Variants in CDKL5 observed in about 807,000 individuals in gnomAD.
The protein encoded by CDKL5 is cyclin dependent kinase like 5.
In CDKL5, 8 loss-of-function variants were observed where a neutral mutation model predicts 61.7. That is an observed-to-expected ratio of 0.13 (90% CI 0.08 to 0.23). The LOEUF is 0.23. CDKL5 is among the 10% of genes least tolerant of loss of function. CDKL5 has a pLI of 1.00. For missense variants in CDKL5, 440 were observed against 734.5 expected, an observed-to-expected ratio of 0.60 and a Z score of 4.63; for synonymous variants, 275 against 272.3, an observed-to-expected ratio of 1.01 and a Z score of -0.10.
At position 18,532,930 on chromosome X, in the gene CDKL5, G is replaced by A. The variant is rs189521560; in HGVS notation, c.99+22076G>A. ...AGCCATTAAACCAAGAAACAAATTA[G>A]CAGTATATTTAAAGATCGCTTATTA... On this transcript the variant is annotated intron_variant, in intron 3 of 17. Transcript: ENST00000623535. Among the ~76,000 whole-genome samples, 15 of 111,560 alleles carry A rather than the reference G, an allele frequency of 1.3e-4. No individual in the cohort carries two copies. In the East Asian group the frequency reaches 4.2e-3, roughly 31 times the overall value.
downstream of CDKL5, among the ~76,000 whole-genome samples, chrX:18,643,829 A>AATATATATATATATATAT (rs755520723): frequency 1.9e-5 from 2 of 105,883 alleles, no homozygotes; most frequent in Non-Finnish European, 1.9e-5. Context: ...ATTCATAGCA[A>AATATATATATATATATAT]ATATATATAT....
At chrX:18,612,028 C>A (rs1926569080) in intron 14 of CDKL5, among the ~76,000 whole-genome samples, 1 of 111,835 alleles carries the variant, frequency 8.9e-6, no homozygotes, top group South Asian at 3.7e-4. Flanking sequence ...TTTATTATAA[C>A]CATTCTTAGA....
intron 3 of CDKL5, among the ~76,000 whole-genome samples, chrX:18,544,415 CAT>C (rs1354851879): frequency 8.9e-6 from 1 of 112,068 alleles, no homozygotes; most frequent in African/African-American, 3.2e-5. Context: ...TTTTTTAACT[CAT>C]GTGTGTTCTA....
At chrX:18,619,157 CT>C (rs773761463) in intron 15 of CDKL5, among the ~76,000 whole-genome samples, 401 of 80,773 alleles carry the variant, frequency 5.0e-3, no homozygotes, top group Middle Eastern at 0.019. Flanking sequence ...CCCGTGAAAG[CT>C]TTTTTTTTTT....
At chrX:18,574,577 T>C (rs768055422) in intron 4 of CDKL5, among the ~76,000 whole-genome samples, 1 of 112,165 alleles carries the variant, frequency 8.9e-6, no homozygotes, top group African/African-American at 3.2e-5. Flanking sequence ...ATATGACTTC[T>C]GTCCTTCCTC....
chrX:18,498,165 A>C (rs1307973206), intron 1 of CDKL5, among the ~76,000 whole-genome samples: 1 of 110,694 alleles, frequency 9.0e-6, no homozygotes, highest in Non-Finnish European at 1.9e-5. Flanking sequence ...CTTAGAGGTA[A>C]TTAATATCCT....
chrX:18,529,915 C>T (rs1343531584), intron 3 of CDKL5, among the ~76,000 whole-genome samples: 3 of 110,692 alleles, frequency 2.7e-5, no homozygotes, highest in Admixed American at 9.7e-5. Flanking sequence ...AGATTCTTTG[C>T]CATTATTCTT....
At chrX:18,549,672 G>C (rs1306128185) in intron 3 of CDKL5, among the ~76,000 whole-genome samples, 1 of 111,501 alleles carries the variant, frequency 9.0e-6, no homozygotes, top group Non-Finnish European at 1.9e-5. Context: ...TCAAAGGAAT[G>C]TGGGAAGAAC....
At chrX:18,544,425 C>G (rs897634050) in intron 3 of CDKL5, among the ~76,000 whole-genome samples, 4 of 112,229 alleles carry the variant, frequency 3.6e-5, no homozygotes, top group African/African-American at 1.3e-4. Context: ...CATGTGTGTT[C>G]TAAGCATTTT....
chrX:18,428,581 C>T (rs1054928160), intron 1 of CDKL5, among the ~76,000 whole-genome samples: 2 of 111,695 alleles, frequency 1.8e-5, no homozygotes, highest in Non-Finnish European at 3.8e-5. Flanking sequence ...ATAATTAATT[C>T]ACATGCATAG....
At chrX:18,613,745 A>T (rs1569222073) in intron 15 of CDKL5, among the ~76,000 whole-genome samples, 1 of 111,282 alleles carries the variant, frequency 9.0e-6, no homozygotes, top group Non-Finnish European at 1.9e-5. Flanking sequence ...TTCAAACTTA[A>T]ATGGGCTCCG....
chrX:18,485,546 T>G (rs1432508377), intron 1 of CDKL5, among the ~76,000 whole-genome samples: 1 of 111,993 alleles, frequency 8.9e-6, no homozygotes, highest in Non-Finnish European at 1.9e-5. Context: ...GAGATCTGAT[T>G]GGGTTTTATT....
At chrX:18,476,831 A>G (rs1921332620) in intron 1 of CDKL5, among the ~76,000 whole-genome samples, 1 of 110,012 alleles carries the variant, frequency 9.1e-6, no homozygotes, top group Non-Finnish European at 1.9e-5. Flanking sequence ...CAGTGGTACA[A>G]TCTCAGCTCA....
At chrX:18,569,906 A>G (rs1315866072) in intron 4 of CDKL5, among the ~76,000 whole-genome samples, 1 of 111,386 alleles carries the variant, frequency 9.0e-6, no homozygotes, top group African/African-American at 3.3e-5. Flanking sequence ...CTCTGCTTTT[A>G]TATAAAATAA....
chrX:18,487,702 G>A (rs996812010), intron 1 of CDKL5, among the ~76,000 whole-genome samples: 1 of 112,761 alleles, frequency 8.9e-6, no homozygotes, highest in African/African-American at 3.2e-5. Context: ...GATCACTTGA[G>A]GTCAGGAGTT....
At position 18,647,324 on chromosome X, in the gene CDKL5, A is replaced by G. The variant is rs2147194217; in HGVS notation, c.2797+1234A>G. 2 of 1,210,577 alleles carry G rather than the reference A, an allele frequency of 1.7e-6. No individual in the cohort carries two copies. Among genetic ancestry groups the G allele is most frequent in the East Asian group, 3.0e-5 (1 of 33,827 alleles). ...GACTCGAAACCCAGAGGCTTGTGAT[A>G]TGGGCATTCTGGGAAAGGAAAAAGA... On this transcript the variant is annotated intron_variant, in intron 20 of 21. Transcript: ENST00000379989.
chrX:18,601,381 T>TATCC (rs930180496), intron 11 of CDKL5, among the ~76,000 whole-genome samples: 6 of 112,604 alleles, frequency 5.3e-5, no homozygotes, highest in African/African-American at 1.6e-4. Flanking sequence ...AATCGTTATC[T>TATCC]ATCCATCCAT....
intron 4 of CDKL5, among the ~76,000 whole-genome samples, chrX:18,571,991 C>T (rs1194254559): frequency 9.0e-6 from 1 of 111,687 alleles, no homozygotes; most frequent in Non-Finnish European, 1.9e-5. Context: ...TCTTCTCTAA[C>T]CATTGTTAAG....
chrX:18,592,569 T>C (rs1485808600), intron 9 of CDKL5, among the ~76,000 whole-genome samples: 1 of 112,617 alleles, frequency 8.9e-6, no homozygotes, highest in Non-Finnish European at 1.9e-5. Flanking sequence ...CTTACAAACA[T>C]CCTTCAGGGA....
Sources: gnomAD v4.1 joint callset for allele counts (sites outside exome capture counted in the v4.1 genomes callset) on GRCh38, gnomAD v4.1.1 for gene constraint, MANE v1.5 for transcripts, NCBI Gene and HGNC (gene_info 2026-07-23, HGNC 2026-07-21) for gene names.